The following GALNT13 variants were observed in gnomAD, a reference collection of about 807,000 sequenced individuals.
The protein encoded by GALNT13 is polypeptide N-acetylgalactosaminyltransferase 13.
GALNT13 carries 28 observed loss-of-function variants against 64.2 expected under a neutral mutation model. The observed-to-expected ratio is 0.44, with a 90% CI of 0.32 to 0.60. GALNT13 has a LOEUF of 0.60. Ranked by LOEUF, GALNT13 falls within the 20% of genes least tolerant of loss-of-function variation. The pLI, the probability that GALNT13 is intolerant of heterozygous loss-of-function variation, is 0.05. For missense variants in GALNT13, 577 were observed against 669.8 expected (o/e 0.86, Z 1.53); for synonymous variants, 214 against 224.6 (o/e 0.95, Z 0.42).
intron 7 of GALNT13, among the ~76,000 whole-genome samples, chr2:154,248,931 T>C (rs1361487265): frequency 6.6e-6 from 1 of 152,188 alleles, no homozygotes; most frequent in Non-Finnish European, 1.5e-5. Context: ...ATAATTATCT[T>C]TATCTGGCTA....
the GALNT13 span, among the ~76,000 whole-genome samples, chr2:153,414,520 CA>C: frequency 1.4e-5 from 2 of 144,346 alleles, no homozygotes; most frequent in Non-Finnish European, 3.0e-5. Context: ...ACCACTGCCA[CA>C]AAACTGAAAG....
At chr2:153,710,385 A>G in the GALNT13 span, among the ~76,000 whole-genome samples, 1 of 152,116 alleles carries the variant, frequency 6.6e-6, no homozygotes, top group Non-Finnish European at 1.5e-5. Context: ...AGACACTCAG[A>G]AAATGAGAGT....
the GALNT13 span, among the ~76,000 whole-genome samples, chr2:153,205,177 G>GT: frequency 0.38 from 51,750 of 135,710 alleles, 9,831 homozygotes; most frequent in African/African-American, 0.45. Flanking sequence ...AAACTTTAGT[G>GT]TTTTTTTTTT....
At chr2:154,012,155 A>G (rs1447657228) in intron 3 of GALNT13, among the ~76,000 whole-genome samples, 1 of 152,096 alleles carries the variant, frequency 6.6e-6, no homozygotes, top group Non-Finnish European at 1.5e-5. Flanking sequence ...TAAGTGCTTT[A>G]TGGTGTGAGT....
intron 2 of GALNT13, among the ~76,000 whole-genome samples, chr2:153,919,549 T>G (rs140192451): frequency 9.0e-4 from 137 of 152,086 alleles, no homozygotes; most frequent in African/African-American, 3.1e-3. Flanking sequence ...ATTTAGAACT[T>G]CTAGATTATA....
At chr2:153,390,092 A>C in the GALNT13 span, among the ~76,000 whole-genome samples, 2 of 152,142 alleles carry the variant, frequency 1.3e-5, no homozygotes, top group East Asian at 1.9e-4. Context: ...CTGTATTAAG[A>C]AAATGTGGCA....
chr2:153,663,928 G>A, the GALNT13 span, among the ~76,000 whole-genome samples: 1 of 152,094 alleles, frequency 6.6e-6, no homozygotes, highest in East Asian at 1.9e-4. Flanking sequence ...ATTTTTATTT[G>A]CAAGTTTTTC....
the GALNT13 span, among the ~76,000 whole-genome samples, chr2:153,708,859 G>A: frequency 6.6e-6 from 1 of 152,006 alleles, no homozygotes; most frequent in South Asian, 2.1e-4. Context: ...TCTGTCCATT[G>A]ATTTTGACAA....
At chr2:153,672,532 C>A in the GALNT13 span, among the ~76,000 whole-genome samples, 1 of 152,174 alleles carries the variant, frequency 6.6e-6, no homozygotes, top group African/African-American at 2.4e-5. Flanking sequence ...ATACCAGAAT[C>A]TCTGGGACAC....
At chr2:154,191,911 G>A (rs1308848540) in intron 4 of GALNT13, among the ~76,000 whole-genome samples, 1 of 152,190 alleles carries the variant, frequency 6.6e-6, no homozygotes, top group Non-Finnish European at 1.5e-5. Flanking sequence ...CAAGCACAGA[G>A]GGCTTTCTGT....
intron 8 of GALNT13, among the ~76,000 whole-genome samples, chr2:154,298,565 T>C (rs189043461): frequency 0.068 from 5,004 of 73,094 alleles, 587 homozygotes; most frequent in East Asian, 0.19. Flanking sequence ...ATATATAATT[T>C]ATATATAAAT....
At chr2:153,614,116 G>A in the GALNT13 span, among the ~76,000 whole-genome samples, 1 of 151,982 alleles carries the variant, frequency 6.6e-6, no homozygotes, top group Admixed American at 6.6e-5. Flanking sequence ...GTAGAGGTGA[G>A]TTATAAATGA....
chr2:153,214,261 A>G, the GALNT13 span, among the ~76,000 whole-genome samples: 2 of 152,186 alleles, frequency 1.3e-5, no homozygotes, highest in African/African-American at 2.4e-5. Flanking sequence ...GAAAAACTAT[A>G]TATTGATAGA....
At position 154,334,218 on chromosome 2, in the gene GALNT13, A is replaced by G. The variant is rs538020856; in HGVS notation, c.1156+32629A>G. Among the ~76,000 whole-genome samples the G allele has an allele frequency of 1.5e-4, 23 of 152,160 alleles. 1 individual carries two copies. In the South Asian group the frequency reaches 3.1e-3, roughly 21 times the overall value. ...TGTTCATTCAACTAATGTTAGAGAT[A>G]TGATTCCTTAGGCTAATCTCAAACT... On this transcript the variant is annotated intron_variant, in intron 9 of 12. Transcript: ENST00000392825.
intron 9 of GALNT13, among the ~76,000 whole-genome samples, chr2:154,349,438 A>T (rs1199417162): frequency 6.6e-6 from 1 of 152,240 alleles, no homozygotes; most frequent in Admixed American, 6.5e-5. Flanking sequence ...ATATAAATGA[A>T]CAAGCTATAA....
the GALNT13 span, among the ~76,000 whole-genome samples, chr2:153,688,914 T>C: frequency 6.6e-6 from 1 of 151,924 alleles, no homozygotes; most frequent in Non-Finnish European, 1.5e-5. Context: ...CTTGAGCATG[T>C]ATTTTGGTGA....
chr2:154,068,329 A>G (rs1221186972), intron 3 of GALNT13, among the ~76,000 whole-genome samples: 1 of 151,908 alleles, frequency 6.6e-6, no homozygotes, highest in Non-Finnish European at 1.5e-5. Context: ...CTAAAAATGG[A>G]TCTGCCATAT....
chr2:153,217,301 T>C, the GALNT13 span, among the ~76,000 whole-genome samples: 1 of 152,108 alleles, frequency 6.6e-6, no homozygotes, highest in Non-Finnish European at 1.5e-5. Context: ...TACATATGCA[T>C]TTATCATAAA....
intron 10 of GALNT13, among the ~76,000 whole-genome samples, chr2:154,398,874 T>G (rs896707663): frequency 6.6e-6 from 1 of 152,202 alleles, no homozygotes; most frequent in Non-Finnish European, 1.5e-5. Flanking sequence ...TTATTCTAGG[T>G]GCTTTAGATG....
Sources: gnomAD v4.1 joint callset for allele counts (sites outside exome capture counted in the v4.1 genomes callset) on GRCh38, gnomAD v4.1.1 for gene constraint, MANE v1.5 for transcripts, NCBI Gene and HGNC (gene_info 2026-07-23, HGNC 2026-07-21) for gene names.